PRIM2: variants seen among roughly 807,000 people sequenced by gnomAD.
The protein encoded by PRIM2 is DNA primase subunit 2, also known as DNA primase large subunit.
In PRIM2, 39 loss-of-function variants were observed where a neutral mutation model predicts 67.3. That is an observed-to-expected ratio of 0.58 (90% CI 0.45 to 0.76). The LOEUF (loss-of-function observed/expected upper bound fraction) is 0.76, where lower values mean the gene tolerates loss of function less well. PRIM2 is among the 30% of genes least tolerant of loss of function. The probability of loss-of-function intolerance (pLI) is 0.00; values close to 1 mark genes in which losing one functional copy is unlikely to be tolerated. For missense variants in PRIM2, 398 were observed against 598.7 expected (o/e 0.66, Z 3.50); for synonymous variants, 143 against 198.7 (o/e 0.72, Z 2.36).
At chr6:57,316,102 C>T (rs1767475885), upstream of PRIM2, among the ~76,000 whole-genome samples, 1 of 152,172 alleles carries the variant, frequency 6.6e-6, no homozygotes, top group South Asian at 2.1e-4. Flanking sequence ...ATGGCTCTGA[C>T]ATTTTGTGTC....
At chr6:57,629,045 G>A (rs1325184949) in intron 12 of PRIM2, among the ~76,000 whole-genome samples, 2,168 of 152,090 alleles carry the variant, frequency 0.014, 50 homozygotes, top group South Asian at 0.078. Context: ...TTCCTGCCTT[G>A]GAGTCATCCA....
At chr6:57,281,344 T>C in the PRIM2 span, among the ~76,000 whole-genome samples, 10 of 152,276 alleles carry the variant, frequency 6.6e-5, no homozygotes, top group Middle Eastern at 3.4e-3. Flanking sequence ...TCACGTTCTG[T>C]TTTCAGGTTT....
chr6:57,530,708 C>CTT (rs1474665431), intron 8 of PRIM2, among the ~76,000 whole-genome samples: 36 of 147,070 alleles, frequency 2.4e-4, no homozygotes, highest in Admixed American at 3.4e-4. Context: ...AAATCTGTAC[C>CTT]TTTTTTTTTT....
At chr6:57,503,077 A>T (rs1390435705) in intron 7 of PRIM2, among the ~76,000 whole-genome samples, 1 of 152,226 alleles carries the variant, frequency 6.6e-6, no homozygotes. Flanking sequence ...AATATTTCAG[A>T]TGGGTAAACC....
chr6:57,295,440 T>G, the PRIM2 span, among the ~76,000 whole-genome samples: 1 of 152,212 alleles, frequency 6.6e-6, no homozygotes, highest in African/African-American at 2.4e-5. Flanking sequence ...TCAATCTACA[T>G]TGATTCTATG....
At chr6:57,507,275 A>G (rs1774270318) in intron 7 of PRIM2, 112 bp from the exon 8 acceptor site, 3 of 795,408 alleles carry the variant, frequency 3.8e-6, no homozygotes, top group Non-Finnish European at 1.9e-6. Flanking sequence ...AGAACCTTAT[A>G]TTTTTAAGTA....
chr6:57,485,663 A>G (rs1204680537), intron 7 of PRIM2, among the ~76,000 whole-genome samples: 1 of 152,234 alleles, frequency 6.6e-6, no homozygotes, highest in African/African-American at 2.4e-5. Context: ...AAATCTGAGC[A>G]TCTGTAGTAG....
At chr6:57,564,311 T>TCA (rs1259356173) in intron 10 of PRIM2, among the ~76,000 whole-genome samples, 1 of 152,178 alleles carries the variant, frequency 6.6e-6, no homozygotes, top group Non-Finnish European at 1.5e-5. Context: ...GGCCCATGGG[T>TCA]TTACAGTGTT....
intron 7 of PRIM2, among the ~76,000 whole-genome samples, chr6:57,406,419 A>G (rs1770892993): frequency 6.6e-6 from 1 of 152,320 alleles, no homozygotes; most frequent in East Asian, 1.9e-4. Flanking sequence ...TCTGATTTAC[A>G]TGCATTGAGA....
the PRIM2 span, among the ~76,000 whole-genome samples, chr6:57,250,029 G>T: frequency 6.6e-6 from 1 of 152,172 alleles, no homozygotes; most frequent in Non-Finnish European, 1.5e-5. Context: ...TTCCACTGTG[G>T]CTTAGATTGT....
chr6:57,335,060 G>T (rs1338317524), intron 5 of PRIM2, among the ~76,000 whole-genome samples: 1 of 152,220 alleles, frequency 6.6e-6, no homozygotes, highest in Admixed American at 6.5e-5. Context: ...AAGTGCAAGG[G>T]GTCAGGGAGT....
intron 5 of PRIM2, among the ~76,000 whole-genome samples, chr6:57,376,807 T>A (rs4294004): frequency 1.1e-4 from 16 of 152,216 alleles, no homozygotes; most frequent in African/African-American, 3.9e-4. Context: ...TTTAATTCTG[T>A]TGTAAATTGT....
intron 10 of PRIM2, among the ~76,000 whole-genome samples, chr6:57,568,294 T>C (rs1275480115): frequency 1.3e-5 from 2 of 152,220 alleles, no homozygotes; most frequent in African/African-American, 4.8e-5. Context: ...CCAAATGCAA[T>C]GAATAACTTG....
Position 57,646,413 on chromosome 6 carries a change from G to A in PRIM2, c.*255G>A, listed in dbSNP as rs1777336085. 2.5e-6 allele frequency: 1 copy of A among 393,302 alleles called. No individual in the cohort carries two copies. The highest frequency in any genetic ancestry group is 4.2e-5 in the Admixed American group (1 of 24,014). 24.4% of individuals were successfully genotyped at this position (393,302 alleles called of 1,614,324 possible). ...TTGTAGAGGTGGGGGGTCTCCCTAT[G>A]TTGCCCAGGCAGATCTCAGACTCCT... On this transcript the variant is annotated 3_prime_UTR_variant, in exon 14 of 14. Transcript: ENST00000615550.
intron 8 of PRIM2, among the ~76,000 whole-genome samples, chr6:57,530,405 C>A (rs2127467662): frequency 6.6e-6 from 1 of 152,276 alleles, no homozygotes; most frequent in East Asian, 1.9e-4. Context: ...GGGATCATCT[C>A]CACATAATAA....
intron 7 of PRIM2, among the ~76,000 whole-genome samples, chr6:57,467,559 T>C (rs1175235169): frequency 6.6e-6 from 1 of 152,244 alleles, no homozygotes; most frequent in African/African-American, 2.4e-5. Context: ...TCAGGTAGCA[T>C]GTTGCCTCCA....
At chr6:57,474,203 T>TTGA (rs1319455817) in intron 7 of PRIM2, among the ~76,000 whole-genome samples, 1 of 10,662 alleles carries the variant, frequency 9.4e-5, no homozygotes, top group Admixed American at 1.1e-3. Context: ...TTTTTTTTTT[T>TTGA]GAGCTCTGTC....
intron 7 of PRIM2, among the ~76,000 whole-genome samples, chr6:57,399,801 G>A (rs1164658605): frequency 2.6e-5 from 4 of 152,026 alleles, no homozygotes; most frequent in African/African-American, 9.7e-5. Flanking sequence ...GTGATGATGA[G>A]CATTTTTTCA....
the PRIM2 span, among the ~76,000 whole-genome samples, chr6:57,276,033 T>G: frequency 7.5e-3 from 1,140 of 152,198 alleles, 13 homozygotes; most frequent in African/African-American, 0.027. Flanking sequence ...AATATAGAAC[T>G]GAACAAAGAA....
Sources: allele counts gnomAD v4.1 joint callset (sites outside exome capture counted in the v4.1 genomes callset), GRCh38; gene constraint gnomAD v4.1.1; transcripts MANE v1.5; gene names NCBI Gene and HGNC (gene_info 2026-07-23, HGNC 2026-07-21).